SLC27A2: variants seen among roughly 807,000 people sequenced by gnomAD.
SLC27A2 encodes the protein solute carrier family 27 member 2.
In SLC27A2, 54 loss-of-function variants were observed where a neutral mutation model predicts 60.0. The observed-to-expected ratio is 0.90, with a 90% CI of 0.72 to 1.13. The LOEUF (loss-of-function observed/expected upper bound fraction) is 1.13, where lower values mean the gene tolerates loss of function less well. Ranked by LOEUF, SLC27A2 falls within the 50% of genes most tolerant of loss-of-function variation. The pLI is 0.00. For synonymous variants in SLC27A2, 297 were observed against 297.6 expected (o/e 1.00, Z 0.02); for missense variants, 739 against 777.6 (o/e 0.95, Z 0.59).
intron 4 of SLC27A2, among the ~76,000 whole-genome samples, chr15:50,207,806 GGAAA>G (rs1340917258): frequency 2.7e-5 from 4 of 147,046 alleles, no homozygotes; most frequent in Non-Finnish European, 6.0e-5. Context: ...AAAAAAAAAA[GGAAA>G]GAAAGAAAGA....
At chr15:50,226,950 A>G (rs1472509923) in intron 6 of SLC27A2, 30 bp from the exon 7 acceptor site, 8 of 1,591,300 alleles carry the variant, frequency 5.0e-6, no homozygotes, top group Non-Finnish European at 6.9e-6. Flanking sequence ...CCTCTAGCAC[A>G]TAAAATAAGT....
intron 4 of SLC27A2, among the ~76,000 whole-genome samples, chr15:50,205,660 C>T (rs1396939056): frequency 6.6e-6 from 1 of 152,084 alleles, no homozygotes; most frequent in Non-Finnish European, 1.5e-5. Context: ...AGTGTCAAAG[C>T]CCAGTTCAAA....
chr15:50,229,873 T>C (rs979333118), intron 8 of SLC27A2, among the ~76,000 whole-genome samples: 4 of 152,120 alleles, frequency 2.6e-5, no homozygotes, highest in East Asian at 1.9e-4. Context: ...ATATTCAAAG[T>C]AGAAATCTAA....
chr15:50,201,095 G>A (rs1440853091), intron 2 of SLC27A2, among the ~76,000 whole-genome samples: 1 of 152,096 alleles, frequency 6.6e-6, no homozygotes, highest in East Asian at 1.9e-4. Flanking sequence ...GGGCTCAGGC[G>A]ATCATCCCAC....
intron 2 of SLC27A2, among the ~76,000 whole-genome samples, chr15:50,200,999 A>C (rs2045059383): frequency 6.6e-6 from 1 of 151,982 alleles, no homozygotes; most frequent in African/African-American, 2.4e-5. Flanking sequence ...AAAGACTCTT[A>C]CTCTTTTTTT....
intron 1 of SLC27A2, among the ~76,000 whole-genome samples, chr15:50,188,436 A>C (rs867178586): frequency 6.6e-6 from 1 of 152,232 alleles, no homozygotes; most frequent in African/African-American, 2.4e-5. Context: ...GGCCAACAGC[A>C]GTGGCCTCAC....
chr15:50,184,445 A>C (rs2044902340), intron 1 of SLC27A2, among the ~76,000 whole-genome samples: 1 of 152,136 alleles, frequency 6.6e-6, no homozygotes, highest in African/African-American at 2.4e-5. Context: ...AGGTTAATTC[A>C]CTTGTGAGAA....
At chr15:50,226,158 C>A in intron 6 of SLC27A2, 80 bp downstream of exon 6, 1 of 852,300 alleles carries the variant, frequency 1.2e-6, no homozygotes, top group Non-Finnish European at 2.0e-6. Flanking sequence ...CATATTATTG[C>A]CACATGGTAA....
chr15:50,222,244 C>T (rs1300378408), intron 4 of SLC27A2, among the ~76,000 whole-genome samples: 1 of 152,128 alleles, frequency 6.6e-6, no homozygotes, highest in Non-Finnish European at 1.5e-5. Context: ...CCTCCTCCTT[C>T]TCTTCCCCTC....
chr15:50,205,214 G>T, intron 3 of SLC27A2, 25 bp from the exon 4 acceptor site: 2 of 1,568,708 alleles, frequency 1.3e-6, no homozygotes, highest in South Asian at 1.2e-5. Flanking sequence ...TTTCTTTCTT[G>T]ACACTTTCTG....
intron 4 of SLC27A2, among the ~76,000 whole-genome samples, chr15:50,213,254 C>A (rs1287234515): frequency 6.6e-6 from 1 of 152,108 alleles, no homozygotes; most frequent in Non-Finnish European, 1.5e-5. Context: ...AGGAAAATAT[C>A]ACAATCCTAA....
chr15:50,208,127 A>C (rs1030942833), intron 4 of SLC27A2, among the ~76,000 whole-genome samples: 13 of 152,314 alleles, frequency 8.5e-5, no homozygotes, highest in African/African-American at 3.1e-4. Context: ...CTGCCTTAGC[A>C]GAACAGCTAA....
chr15:50,190,780 A>C (rs960221415), intron 1 of SLC27A2, among the ~76,000 whole-genome samples: 1 of 152,310 alleles, frequency 6.6e-6, no homozygotes, highest in East Asian at 1.9e-4. Context: ...TCAGTCTACA[A>C]CTTAAAACTA....
In SLC27A2 at chr15:50,182,439, C is replaced by T. The variant is rs749929373; in HGVS notation, c.12C>T (p.Ala4=). MLS[A]IYTVLAGLLF... ...GCCCCGCAGCCGTCATGCTTTCCGC[C>T]ATCTACACAGTCCTGGCGGGACTGC... Residue 4 remains alanine, a synonymous_variant, in exon 1 of 10, where the codon GCC becomes GCT. Coordinates refer to ENST00000267842, the MANE Select transcript of SLC27A2 (RefSeq NM_003645.4). 2 of 1,593,460 alleles carry T rather than the reference C, an allele frequency of 1.3e-6. No homozygotes were observed. The highest frequency in any genetic ancestry group is 2.2e-5 in the South Asian group (2 of 89,658).
intron 4 of SLC27A2, among the ~76,000 whole-genome samples, chr15:50,208,981 T>C (rs1238089142): frequency 6.6e-6 from 1 of 152,168 alleles, no homozygotes; most frequent in Non-Finnish European, 1.5e-5. Flanking sequence ...TTTCCTCCAG[T>C]TACAGACTGA....
intron 8 of SLC27A2, 33 bp downstream of exon 8, chr15:50,229,075 T>C (rs756612455): frequency 4.9e-6 from 7 of 1,423,726 alleles, no homozygotes; most frequent in East Asian, 4.6e-5. Context: ...ACCTAACCCA[T>C]AGAGTAACTG....
intron 8 of SLC27A2, among the ~76,000 whole-genome samples, chr15:50,233,385 G>C (rs1326937048): frequency 6.6e-6 from 1 of 152,188 alleles, no homozygotes; most frequent in African/African-American, 2.4e-5. Context: ...GTAACTTCCT[G>C]TAGCCACCAG....
At chr15:50,234,587 C>CAAAA (rs767076726) in intron 9 of SLC27A2, among the ~76,000 whole-genome samples, 6 of 61,540 alleles carry the variant, frequency 9.7e-5, no homozygotes, top group African/African-American at 3.3e-4. Context: ...ACTCCATCTC[C>CAAAA]AAAAAAAAAA....
At chr15:50,195,166 T>A (rs1213859042) in intron 1 of SLC27A2, among the ~76,000 whole-genome samples, 1 of 152,026 alleles carries the variant, frequency 6.6e-6, no homozygotes, top group Non-Finnish European at 1.5e-5. Flanking sequence ...AAACAGCTTT[T>A]AAAAAATTGA....
Sources: allele counts gnomAD v4.1 joint callset (sites outside exome capture counted in the v4.1 genomes callset), GRCh38; gene constraint gnomAD v4.1.1; transcripts MANE v1.5; gene names NCBI Gene and HGNC (gene_info 2026-07-23, HGNC 2026-07-21).